ARHGEF3: variants seen among roughly 807,000 people sequenced by gnomAD.
ARHGEF3 encodes the protein 59.8 kDA protein.
A neutral mutation model predicts 63.2 loss-of-function variants in ARHGEF3; 28 were observed. The ratio of observed to expected loss-of-function variants is 0.44; its 90% CI spans 0.33 to 0.61. The LOEUF (loss-of-function observed/expected upper bound fraction) is 0.61. Ranked by LOEUF, ARHGEF3 falls within the 20% of genes least tolerant of loss-of-function variation. The probability of loss-of-function intolerance (pLI) is 0.03; values close to 1 mark genes in which losing one functional copy is unlikely to be tolerated. For synonymous variants in ARHGEF3, 266 were observed against 254.2 expected, an observed-to-expected ratio of 1.05 and a Z score of -0.44; for missense variants, 533 against 659.3, an observed-to-expected ratio of 0.81 and a Z score of 2.10.
At chr3:56,987,054 T>C (rs4286399) in intron 2 of ARHGEF3, among the ~76,000 whole-genome samples, 21,063 of 151,770 alleles carry the variant, frequency 0.14, 1,956 homozygotes, top group Non-Finnish European at 0.2. Context: ...TCTACAAAAA[T>C]TGAAAAAATT....
chr3:56,745,560 G>T (rs2107735210), intron 6 of ARHGEF3, 98 bp from the exon 7 acceptor site: 1 of 1,368,472 alleles, frequency 7.3e-7, no homozygotes, highest in African/African-American at 1.5e-5. Flanking sequence ...ACACCTAACT[G>T]GTCTCTGGGT....
At chr3:56,903,519 G>A (rs1217001363) in intron 3 of ARHGEF3, among the ~76,000 whole-genome samples, 2 of 152,214 alleles carry the variant, frequency 1.3e-5, no homozygotes, top group African/African-American at 4.8e-5. Context: ...TATAGGACAT[G>A]CACCAACATT....
intron 3 of ARHGEF3, chr3:56,916,595 C>T (rs2041996375): frequency 1.1e-6 from 1 of 899,252 alleles, no homozygotes. Flanking sequence ...TTCAAAGGTA[C>T]ACCAGAAGTT....
At chr3:56,984,609 C>T (rs1353469300) in intron 2 of ARHGEF3, among the ~76,000 whole-genome samples, 2 of 152,112 alleles carry the variant, frequency 1.3e-5, no homozygotes, top group South Asian at 2.1e-4. Context: ...TAATATTGAT[C>T]GTGGCATAAC....
chr3:56,909,254 G>T (rs1163628752), intron 3 of ARHGEF3, among the ~76,000 whole-genome samples: 1 of 152,218 alleles, frequency 6.6e-6, no homozygotes, highest in Non-Finnish European at 1.5e-5. Context: ...ACTCAGGAAG[G>T]CAGAGGGCTA....
intron 2 of ARHGEF3, among the ~76,000 whole-genome samples, chr3:57,014,501 G>T (rs139225836): frequency 6.6e-6 from 1 of 151,988 alleles, no homozygotes; most frequent in Non-Finnish European, 1.5e-5. Context: ...GTGCATATGC[G>T]TACCAATGCA....
intron 2 of ARHGEF3, among the ~76,000 whole-genome samples, chr3:57,003,295 C>G (rs1054279255): frequency 7.1e-6 from 1 of 140,156 alleles, no homozygotes; most frequent in Admixed American, 7.8e-5. Context: ...CCCAGCTACT[C>G]GGGAGGCTAA....
chr3:56,846,905 C>A (rs758953493), intron 4 of ARHGEF3, among the ~76,000 whole-genome samples: 1 of 152,174 alleles, frequency 6.6e-6, no homozygotes, highest in African/African-American at 2.4e-5. Context: ...TTAATAATTG[C>A]ATTTTAACAA....
intron 3 of ARHGEF3, among the ~76,000 whole-genome samples, chr3:56,914,291 A>G (rs1163341650): frequency 6.6e-6 from 1 of 152,250 alleles, no homozygotes; most frequent in East Asian, 1.9e-4. Context: ...AATTGAAAGC[A>G]GGGTCTTAAG....
In ARHGEF3 at chr3:56,992,407, A is replaced by AC. The variant is rs1553799652; in HGVS notation, c.63-33519_63-33518insG. Among the ~76,000 whole-genome samples the AC allele has an allele frequency of 1.9e-3, 222 of 116,278 alleles. 4 individuals carry two copies. The Middle Eastern group carries it at 0.021, about 11-fold the overall frequency. 76.3% of individuals were successfully genotyped at this position (116,278 alleles called of 152,430 possible). A position where few individuals can be genotyped will look rare whatever the true frequency, so the allele number is the denominator to read the frequency against. ...AAAAAAAAAAAAAAAAAAAAAAAAA[A>AC]AAAAAAACAGAAAGAAGGTCATGTG... is the stretch of plus-strand genomic sequence containing the variant. On this transcript the variant is annotated intron_variant, in intron 2 of 12. Coordinates refer to the ARHGEF3 transcript ENST00000338458.
intron 4 of ARHGEF3, among the ~76,000 whole-genome samples, chr3:56,820,255 G>C (rs140243799): frequency 6.6e-6 from 1 of 152,260 alleles, no homozygotes; most frequent in East Asian, 1.9e-4. Context: ...CTCTACCCAG[G>C]GAGGTACTGT....
intron 2 of ARHGEF3, among the ~76,000 whole-genome samples, chr3:56,995,154 T>C (rs1701920244): frequency 6.6e-6 from 1 of 152,142 alleles, no homozygotes; most frequent in African/African-American, 2.4e-5. Flanking sequence ...GAAAATGGAC[T>C]AATACAATGG....
intron 3 of ARHGEF3, chr3:56,916,528 G>C: frequency 7.5e-7 from 1 of 1,342,202 alleles, no homozygotes; most frequent in Non-Finnish European, 9.6e-7. Context: ...AGCCGCACCA[G>C]TCAAGAGCTC....
intron 4 of ARHGEF3, among the ~76,000 whole-genome samples, chr3:56,870,299 C>T (rs1314714945): frequency 1.3e-5 from 2 of 151,964 alleles, no homozygotes; most frequent in African/African-American, 4.8e-5. Flanking sequence ...AAAAAAGTAG[C>T]GAATTACCAA....
rs114493693 is a variant in ARHGEF3 at position 56,847,128 on chromosome 3, G to A, written c.192+35164C>T. 4.9e-3 allele frequency among the ~76,000 whole-genome samples: 751 copies of A among 152,154 alleles called. 10 individuals are homozygous for A. The highest frequency in any genetic ancestry group is 0.019 in the South Asian group (90 of 4,814). On this transcript the variant is annotated intron_variant, in intron 4 of 12. Transcript: ENST00000338458. ...AGGGGGTGGAGGGGTTAGAACATAG[G>A]TTTTCTGACTCTACCTCCCAAGCTC...
intron 1 of ARHGEF3, among the ~76,000 whole-genome samples, chr3:56,786,415 T>C (rs2036818786): frequency 6.6e-6 from 1 of 152,152 alleles, no homozygotes; most frequent in Non-Finnish European, 1.5e-5. Context: ...ACCCCCCAAA[T>C]GAGCAGATGA....
At chr3:56,896,794 T>C (rs2041316904) in intron 3 of ARHGEF3, among the ~76,000 whole-genome samples, 1 of 152,218 alleles carries the variant, frequency 6.6e-6, no homozygotes, top group Non-Finnish European at 1.5e-5. Flanking sequence ...GGTGTATTTT[T>C]CACAGGAATA....
chr3:56,729,880 A>T (rs1191142550), intron 9 of ARHGEF3, among the ~76,000 whole-genome samples: 1 of 152,134 alleles, frequency 6.6e-6, no homozygotes, highest in African/African-American at 2.4e-5. Context: ...GGAACCACAA[A>T]GTCAAGTGAT....
intron 1 of ARHGEF3, among the ~76,000 whole-genome samples, chr3:56,781,115 G>A (rs1282993845): frequency 6.6e-6 from 1 of 152,210 alleles, no homozygotes; most frequent in Non-Finnish European, 1.5e-5. Context: ...GAGAGGTGGA[G>A]ACTGGAGTGA....
Sources: gnomAD v4.1 joint callset for allele counts (sites outside exome capture counted in the v4.1 genomes callset) on GRCh38, gnomAD v4.1.1 for gene constraint, MANE v1.5 for transcripts, NCBI Gene and HGNC (gene_info 2026-07-23, HGNC 2026-07-21) for gene names.